NEMP2: variants seen among roughly 807,000 people sequenced by gnomAD.
The protein encoded by NEMP2 is UPF0571 transmembrane protein.
A neutral mutation model predicts 54.2 loss-of-function variants in NEMP2; 53 were observed. That is an observed-to-expected ratio of 0.98 (90% CI 0.78 to 1.23). The LOEUF (loss-of-function observed/expected upper bound fraction) is 1.23. Among genes scored for constraint, NEMP2 ranks in the 50% most tolerant of loss-of-function variants. The pLI, the probability that NEMP2 is intolerant of heterozygous loss-of-function variation, is 0.00. For synonymous variants in NEMP2, 197 were observed against 190.3 expected, an observed-to-expected ratio of 1.04 and a Z score of -0.29; for missense variants, 455 against 511.3, an observed-to-expected ratio of 0.89 and a Z score of 1.06.
the NEMP2 span, among the ~76,000 whole-genome samples, chr2:190,441,997 T>C: frequency 2.0e-5 from 3 of 152,148 alleles, no homozygotes; most frequent in Non-Finnish European, 4.4e-5. Flanking sequence ...CTGATGGCAA[T>C]TGATACTGTG....
At chr2:190,636,640 A>G in the NEMP2 span, among the ~76,000 whole-genome samples, 44 of 152,212 alleles carry the variant, frequency 2.9e-4, no homozygotes, top group Non-Finnish European at 2.1e-4. Flanking sequence ...GTTGCTCCCT[A>G]CCCCAGAATA....
At chr2:190,437,488 G>A in the NEMP2 span, 1 of 1,614,224 alleles carries the variant, frequency 6.2e-7, no homozygotes, top group African/African-American at 1.3e-5. The surrounding 1 kb of genome is among the most constrained non-coding windows in gnomAD (Gnocchi z 5.9). Flanking sequence ...GGTCTGTTCA[G>A]TCCTGAGTCA....
chr2:190,468,584 C>G, the NEMP2 span, among the ~76,000 whole-genome samples: 5 of 150,532 alleles, frequency 3.3e-5, no homozygotes, highest in Non-Finnish European at 2.9e-5. Flanking sequence ...TCCCAAGTAG[C>G]TGGGACTATA....
chr2:190,559,479 G>T, the NEMP2 span, among the ~76,000 whole-genome samples: 2 of 152,176 alleles, frequency 1.3e-5, no homozygotes, highest in East Asian at 3.9e-4. This position sits in a 1 kb window ranked among gnomAD's most constrained non-coding sequence, Gnocchi z 4.0. Context: ...AGAAGGCCAA[G>T]GAGAGAACAG....
the NEMP2 span, among the ~76,000 whole-genome samples, chr2:190,633,159 C>T: frequency 6.6e-6 from 1 of 152,172 alleles, no homozygotes; most frequent in Non-Finnish European, 1.5e-5. Flanking sequence ...TCCACCTACT[C>T]GGACCACCCA....
the NEMP2 span, among the ~76,000 whole-genome samples, chr2:190,444,518 A>G: frequency 6.6e-6 from 1 of 152,370 alleles, no homozygotes; most frequent in East Asian, 1.9e-4. Flanking sequence ...TTGCAGATGT[A>G]AAGTGGCTGT....
At chr2:190,465,917 C>T in the NEMP2 span, among the ~76,000 whole-genome samples, 4 of 152,178 alleles carry the variant, frequency 2.6e-5, no homozygotes, top group East Asian at 1.9e-4. The surrounding 1 kb of genome is among the most constrained non-coding windows in gnomAD (Gnocchi z 4.6). Flanking sequence ...CGCTTGAATC[C>T]GGGAGGCGGT....
the NEMP2 span, among the ~76,000 whole-genome samples, chr2:190,556,644 A>G: frequency 5.3e-5 from 8 of 152,236 alleles, no homozygotes; most frequent in African/African-American, 1.9e-4. Flanking sequence ...CAGGATACAA[A>G]ATGAATGTGC....
At chr2:190,503,935 G>A (rs181461859), downstream of NEMP2, among the ~76,000 whole-genome samples, 12 of 152,302 alleles carry the variant, frequency 7.9e-5, no homozygotes, top group South Asian at 4.1e-4. This position sits in a 1 kb window ranked among gnomAD's most constrained non-coding sequence, Gnocchi z 6.3. Flanking sequence ...GAGCCAGTCC[G>A]GCTAAGTGCC....
At chr2:190,622,587 C>T in the NEMP2 span, among the ~76,000 whole-genome samples, 1 of 151,976 alleles carries the variant, frequency 6.6e-6, no homozygotes, top group African/African-American at 2.4e-5. Flanking sequence ...TTAGAGTAAA[C>T]CTTTGTGACT....
At chr2:190,619,942 C>T in the NEMP2 span, among the ~76,000 whole-genome samples, 2 of 152,308 alleles carry the variant, frequency 1.3e-5, no homozygotes, top group African/African-American at 4.8e-5. This position sits in a 1 kb window ranked among gnomAD's most constrained non-coding sequence, Gnocchi z 5.5. Context: ...GTTTTTACCT[C>T]GGTGGCCAGC....
the NEMP2 span, among the ~76,000 whole-genome samples, chr2:190,618,966 G>T: frequency 6.6e-6 from 1 of 152,190 alleles, no homozygotes; most frequent in African/African-American, 2.4e-5. Flanking sequence ...TTTTAAACTT[G>T]TAATTCTTGC....
At chr2:190,638,628 TAATA>T in the NEMP2 span, among the ~76,000 whole-genome samples, 1 of 152,176 alleles carries the variant, frequency 6.6e-6, no homozygotes, top group East Asian at 1.9e-4. The surrounding 1 kb of genome is among the most constrained non-coding windows in gnomAD (Gnocchi z 5.7). Context: ...AAAAAGTAGT[TAATA>T]AATTTTGGCC....
the NEMP2 span, among the ~76,000 whole-genome samples, chr2:190,450,099 A>G: frequency 6.6e-6 from 1 of 152,230 alleles, no homozygotes; most frequent in South Asian, 2.1e-4. Flanking sequence ...AAAGTTTATT[A>G]CTGGCAGTAA....
At chr2:190,437,947 A>C in the NEMP2 span, among the ~76,000 whole-genome samples, 4 of 152,176 alleles carry the variant, frequency 2.6e-5, no homozygotes, top group Admixed American at 1.3e-4. The surrounding 1 kb of genome is among the most constrained non-coding windows in gnomAD (Gnocchi z 5.9). Flanking sequence ...TTAAGTAGAT[A>C]AAGTGGACTT....
chr2:190,500,539 T>TA (rs1689978463), downstream of NEMP2: 1 of 286,634 alleles, frequency 3.5e-6, no homozygotes, highest in African/African-American at 2.1e-5. The surrounding 1 kb of genome is among the most constrained non-coding windows in gnomAD (Gnocchi z 5.3). Flanking sequence ...GCAGTTACAC[T>TA]AAGTAAGTGG....
chr2:190,565,140 G>T, the NEMP2 span, among the ~76,000 whole-genome samples: 1 of 149,864 alleles, frequency 6.7e-6, no homozygotes, highest in Non-Finnish European at 1.5e-5. Flanking sequence ...ACTCCCTCCT[G>T]CTCCAGGAGG....
At chr2:190,511,838 G>A (rs577934210) in intron 7 of NEMP2, among the ~76,000 whole-genome samples, 4 of 151,770 alleles carry the variant, frequency 2.6e-5, no homozygotes, top group South Asian at 4.1e-4. Context: ...ACAGGCATGA[G>A]CCACTGCGCC....
At chr2:190,615,079 A>G in the NEMP2 span, among the ~76,000 whole-genome samples, 1 of 152,234 alleles carries the variant, frequency 6.6e-6, no homozygotes, top group Non-Finnish European at 1.5e-5. This position sits in a 1 kb window ranked among gnomAD's most constrained non-coding sequence, Gnocchi z 4.7. Context: ...TTTTCTCCAC[A>G]TTGACCAATT....
Sources: allele counts gnomAD v4.1 joint callset (sites outside exome capture counted in the v4.1 genomes callset), GRCh38; gene constraint gnomAD v4.1.1; non-coding constraint Gnocchi (gnomAD v3.1); transcripts MANE v1.5; gene names NCBI Gene and HGNC (gene_info 2026-07-23, HGNC 2026-07-21).